Variants in ATRIP observed in about 807,000 individuals in gnomAD.
ATRIP encodes ATR-interacting protein.
A neutral mutation model predicts 78.1 loss-of-function variants in ATRIP; 44 were observed. The ratio of observed to expected loss-of-function variants is 0.56; its 90% CI spans 0.44 to 0.72. ATRIP has a LOEUF of 0.72. ATRIP is among the 30% of genes least tolerant of loss of function. The probability of loss-of-function intolerance (pLI) is 0.00; values close to 1 mark genes in which losing one functional copy is unlikely to be tolerated. For missense variants in ATRIP, 927 were observed against 980.2 expected, an observed-to-expected ratio of 0.95 and a Z score of 0.72; for synonymous variants, 388 against 408.9, an observed-to-expected ratio of 0.95 and a Z score of 0.62.
At chr3:48,452,742 A>G (rs1012806944) in intron 3 of ATRIP, among the ~76,000 whole-genome samples, 4 of 152,174 alleles carry the variant, frequency 2.6e-5, no homozygotes, top group African/African-American at 9.7e-5. Flanking sequence ...ATTCTGAGAA[A>G]GGCTCTGATT....
At position 48,465,058 on chromosome 3, in the gene ATRIP, G is replaced by C; in HGVS notation, c.2283G>C (p.Gly761=). The change falls in exon 12 of 13, where the codon GGG becomes GGC. Residue 761 remains glycine, a synonymous_variant. Transcript: ENST00000320211. ...CGGGGGTCAGCATGCTCATCCGAGG[G>C]CTTCCTGATGTGACGGACTGTGAAG... The part of the protein sequence containing the change: ...VMPGVSMLIR[G]LPDVTDCEEA... 6.2e-7 allele frequency: 1 copy of C among 1,612,186 alleles called. No homozygotes were observed. The highest frequency in any genetic ancestry group is 1.1e-5 in the South Asian group (1 of 91,050).
intron 12 of ATRIP, among the ~76,000 whole-genome samples, 198 bp from the exon 13 acceptor site, chr3:48,465,289 G>A (rs2040248429): frequency 6.6e-6 from 1 of 152,230 alleles, no homozygotes; most frequent in Admixed American, 6.5e-5. Context: ...GAGTGTGCCT[G>A]GCAGAGCCAC....
intron 5 of ATRIP, 150 bp downstream of exon 5, chr3:48,457,566 A>C (rs982418898): frequency 1.6e-6 from 1 of 638,166 alleles, no homozygotes; most frequent in African/African-American, 1.9e-5. Context: ...AATCACTGAA[A>C]GCTTGTCTTA....
chr3:48,462,630 G>T (rs1274361126), intron 8 of ATRIP, among the ~76,000 whole-genome samples: 2 of 151,090 alleles, frequency 1.3e-5, no homozygotes, highest in African/African-American at 4.9e-5. Context: ...TTGAACCCTG[G>T]AGGCGGAGGT....
At position 48,467,641 on chromosome 3, in the gene ATRIP, C is replaced by A. The variant is rs1371605173; in HGVS notation, c.*2087C>A. The A allele has an allele frequency of 1.3e-6, 2 of 1,588,662 alleles. No individual in the cohort carries two copies. Among genetic ancestry groups the A allele is most frequent in the East Asian group, 4.5e-5 (2 of 44,666 alleles). Reference sequence around the variant, plus strand: ...CTGACGAATAAAGACCCCCGCTGCCCCATAGCACTGAGTGGTCAATTGGCT... The same window carrying A: ...CTGACGAATAAAGACCCCCGCTGCCACATAGCACTGAGTGGTCAATTGGCT... On this transcript the variant is annotated 3_prime_UTR_variant, in exon 13 of 13. Coordinates refer to ENST00000320211, the MANE Select transcript of ATRIP (RefSeq NM_130384.3).
chr3:48,460,537 C>T lies in ATRIP; in HGVS notation c.1483C>T (p.Leu495=), dbSNP rs2040075612. Residue 495 remains leucine (L), a synonymous_variant, in exon 8 of 13, where the codon CTA becomes TTA. Transcript: ENST00000320211. Reference sequence around the variant, plus strand: ...GTGCCACAGCGGAGCAGTCGTCTCCCTATTACTGTCAGGAGTGGGGGCAGA... The same window carrying T: ...GTGCCACAGCGGAGCAGTCGTCTCCTTATTACTGTCAGGAGTGGGGGCAGA... ...LVCHSGAVVS[L]LLSGVGADSA... 1 of 1,614,144 alleles carries T rather than the reference C, an allele frequency of 6.2e-7. No homozygotes were observed. Among genetic ancestry groups the T allele is most frequent in the Non-Finnish European group, 8.5e-7 (1 of 1,180,016 alleles).
At chr3:48,449,413 C>CAAAAAAAAAAAAAAAA (rs1297709851) in intron 1 of ATRIP, among the ~76,000 whole-genome samples, 7 of 60,104 alleles carry the variant, frequency 1.2e-4, no homozygotes, top group African/African-American at 5.8e-4. Flanking sequence ...GACTCTGTCT[C>CAAAAAAAAAAAAAAAA]AAAAAAAAAA....
chr3:48,464,440 A>T, intron 10 of ATRIP, 142 bp from the exon 11 acceptor site: 3 of 968,210 alleles, frequency 3.1e-6, no homozygotes, highest in Non-Finnish European at 4.8e-6. Flanking sequence ...CTTCCCTGGG[A>T]AGGTCCCACA....
chr3:48,467,354 T>TG lies in ATRIP; in HGVS notation c.*1804dup, dbSNP rs1553820434. 1.2e-6 allele frequency: 2 copies of TG among 1,614,192 alleles called. No homozygotes were observed. Among genetic ancestry groups the TG allele is most frequent in the Non-Finnish European group, 8.5e-7 (1 of 1,180,032 alleles). On this transcript the variant is annotated 3_prime_UTR_variant, in exon 13 of 13. Transcript: ENST00000320211. Reference sequence around the variant, plus strand: ...CTTTCGGCACCATCAGGCCCATGTATGGGGTCACAGCCTCTGCTAGGACCA... The same window carrying TG: ...CTTTCGGCACCATCAGGCCCATGTATGGGGGTCACAGCCTCTGCTAGGACCA...
chr3:48,464,766 G>A (rs1427207541), intron 11 of ATRIP, 65 bp from the exon 12 acceptor site: 9 of 1,602,434 alleles, frequency 5.6e-6, no homozygotes, highest in South Asian at 1.1e-5. Flanking sequence ...TGGCTAGGCT[G>A]AGCGGATTGT....
rs534275599 is a variant in ATRIP at position 48,466,355 on chromosome 3, T to C, written c.*801T>C. The C allele has an allele frequency of 8.2e-7, 1 of 1,224,222 alleles. No individual in the cohort carries two copies. The highest frequency in any genetic ancestry group is 2.5e-5 in the East Asian group (1 of 39,672). 75.8% of individuals were successfully genotyped at this position (1,224,222 alleles called of 1,614,324 possible). ...GGGATGGCGCAGGGCAGGAGGGCCATGGGTTCCCCCACCCCAGACTAAGGG... is the reference window on the plus strand; with the variant it reads ...GGGATGGCGCAGGGCAGGAGGGCCACGGGTTCCCCCACCCCAGACTAAGGG... On this transcript the variant is annotated 3_prime_UTR_variant, in exon 13 of 13. Coordinates refer to ENST00000320211, the MANE Select transcript of ATRIP (RefSeq NM_130384.3).
chr3:48,447,610 T>C (rs190124138), intron 1 of ATRIP: 33 of 886,190 alleles, frequency 3.7e-5, no homozygotes, highest in Non-Finnish European at 4.1e-5. Flanking sequence ...GACCTTACAA[T>C]GAACAAAATA....
chr3:48,465,238 C>A (rs1039179739), intron 12 of ATRIP, among the ~76,000 whole-genome samples, 155 bp downstream of exon 12: 1 of 152,248 alleles, frequency 6.6e-6, no homozygotes, highest in Non-Finnish European at 1.5e-5. Context: ...TGCCTCAGTT[C>A]TTCTCCAAGC....
At position 48,467,179 on chromosome 3, in the gene ATRIP, A is replaced by C. The variant is rs772864944; in HGVS notation, c.*1625A>C. On this transcript the variant is annotated 3_prime_UTR_variant, in exon 13 of 13. Coordinates refer to ENST00000320211, the MANE Select transcript of ATRIP (RefSeq NM_130384.3). ...AGCCCCTCAGAACACGGCCCAAGGA[A>C]GAGCTATAGCCTAGGCAGCATCTAC... 1 of 1,614,008 alleles carries C rather than the reference A, an allele frequency of 6.2e-7. No individual in the cohort carries two copies. The highest frequency in any genetic ancestry group is 2.2e-5 in the East Asian group (1 of 44,882).
Position 48,466,884 on chromosome 3 carries a change from T to A in ATRIP, c.*1330T>A. The A allele has an allele frequency of 6.2e-7, 1 of 1,612,666 alleles. No homozygotes were observed. Among genetic ancestry groups the A allele is most frequent in the Non-Finnish European group, 8.5e-7 (1 of 1,180,000 alleles). ...CCTGTGTGTGGCTCCGGGGAAGGCC[T>A]GCAGCCCTGCAGCCAGCGAGATCAC... is the stretch of plus-strand genomic sequence containing the variant. On this transcript the variant is annotated 3_prime_UTR_variant, in exon 13 of 13. Coordinates refer to ENST00000320211, the MANE Select transcript of ATRIP (RefSeq NM_130384.3).
At chr3:48,461,916 G>C (rs1052786007) in intron 8 of ATRIP, among the ~76,000 whole-genome samples, 1 of 152,138 alleles carries the variant, frequency 6.6e-6, no homozygotes, top group Non-Finnish European at 1.5e-5. Context: ...ATGTTGGCCA[G>C]GCTTGTCTCA....
chr3:48,449,862 C>T (rs1168828299), intron 1 of ATRIP, among the ~76,000 whole-genome samples, 175 bp from the exon 2 acceptor site: 1 of 150,472 alleles, frequency 6.6e-6, no homozygotes, highest in Non-Finnish European at 1.5e-5. Context: ...CACTTGAACC[C>T]AGGAGGTCAA....
chr3:48,465,057 G>A lies in ATRIP; in HGVS notation c.2282G>A (p.Gly761Glu), dbSNP rs771382912. 1.9e-5 allele frequency: 30 copies of A among 1,612,832 alleles called. No individual in the cohort carries two copies. The highest frequency in any genetic ancestry group is 2.5e-5 in the Non-Finnish European group (30 of 1,179,240). ...VMPGVSMLIR[G>E]LPDVTDCEEA... Reference sequence around the variant, plus strand: ...CCGGGGGTCAGCATGCTCATCCGAGGGCTTCCTGATGTGACGGACTGTGAA... The same window carrying A: ...CCGGGGGTCAGCATGCTCATCCGAGAGCTTCCTGATGTGACGGACTGTGAA... Residue 761 changes from glycine to glutamate, a missense_variant, in exon 12 of 13, where the codon GGG becomes GAG. Coordinates refer to ENST00000320211, the MANE Select transcript of ATRIP (RefSeq NM_130384.3).
intron 2 of ATRIP, chr3:48,450,519 T>G (rs1232526213): frequency 1.5e-6 from 2 of 1,291,366 alleles, no homozygotes; most frequent in Admixed American, 4.6e-5. Context: ...ACACTTCATA[T>G]CACCATCTGT....
Sources: allele counts gnomAD v4.1 joint callset (sites outside exome capture counted in the v4.1 genomes callset), GRCh38; gene constraint gnomAD v4.1.1; transcripts MANE v1.5; gene names NCBI Gene and HGNC (gene_info 2026-07-23, HGNC 2026-07-21).